Variants in GRM7 observed in about 807,000 individuals in gnomAD.
GRM7 encodes glutamate metabotropic receptor 7, also known as metabotropic glutamate receptor 7.
A neutral mutation model predicts 84.5 loss-of-function variants in GRM7; 35 were observed. The observed-to-expected ratio is 0.41, with a 90% confidence interval of 0.32 to 0.55. GRM7 has a LOEUF of 0.55. Among genes scored for constraint, GRM7 ranks in the 20% least tolerant of loss-of-function variants. GRM7 has a pLI of 0.19. For synonymous variants in GRM7, 487 were observed against 455.1 expected (o/e 1.07, Z -0.89); for missense variants, 1,003 against 1,194.6 (o/e 0.84, Z 2.36).
chr3:6,889,693 C>G (rs2124979893), intron 1 of GRM7, among the ~76,000 whole-genome samples: 1 of 152,110 alleles, frequency 6.6e-6, no homozygotes, highest in Admixed American at 6.5e-5. Context: ...CTAAAATTCT[C>G]TTTTTTGGTT....
intron 1 of GRM7, among the ~76,000 whole-genome samples, chr3:6,885,797 C>T (rs1695670591): frequency 6.6e-6 from 1 of 152,222 alleles, no homozygotes; most frequent in South Asian, 2.1e-4. Flanking sequence ...ATCTTACATC[C>T]TTGTCATTAC....
rs184459732 is a variant in GRM7 at position 7,022,143 on chromosome 3, A to G, written c.520-124309A>G. Among the ~76,000 whole-genome samples, 5 of 152,096 alleles carry G rather than the reference A, an allele frequency of 3.3e-5. No individual in the cohort carries two copies. The South Asian group carries it at 8.3e-4, about 25-fold the overall frequency. Reference sequence around the variant, plus strand: ...GGAGTTTGAGACCGGCCTGTACAACATGGTGATACCCAGTCTCTACAAAAA... The same window carrying G: ...GGAGTTTGAGACCGGCCTGTACAACGTGGTGATACCCAGTCTCTACAAAAA... On this transcript the variant is annotated intron_variant, in intron 1 of 9. Coordinates refer to ENST00000357716, the MANE Select transcript of GRM7 (RefSeq NM_000844.4).
At chr3:7,237,731 A>C (rs901677020) in intron 2 of GRM7, among the ~76,000 whole-genome samples, 4 of 152,304 alleles carry the variant, frequency 2.6e-5, no homozygotes, top group African/African-American at 9.6e-5. Context: ...ACAGCGTGGA[A>C]GTGGACCCGA....
chr3:7,472,265 A>T (rs1698731570), intron 7 of GRM7, among the ~76,000 whole-genome samples: 1 of 152,210 alleles, frequency 6.6e-6, no homozygotes, highest in African/African-American at 2.4e-5. Flanking sequence ...TTTATAAATT[A>T]CTCAGCCTCA....
chr3:7,453,366 G>T (rs1320954541), intron 6 of GRM7, among the ~76,000 whole-genome samples: 1 of 152,018 alleles, frequency 6.6e-6, no homozygotes, highest in African/African-American at 2.4e-5. Flanking sequence ...TCTTCCCCTT[G>T]CCACTTGCAA....
At chr3:7,429,072 C>A (rs975687354) in intron 5 of GRM7, among the ~76,000 whole-genome samples, 1 of 152,080 alleles carries the variant, frequency 6.6e-6, no homozygotes, top group African/African-American at 2.4e-5. Flanking sequence ...AACTAAGTTG[C>A]CTTAAATCAA....
intron 9 of GRM7, among the ~76,000 whole-genome samples, chr3:7,684,835 C>A (rs1700514522): frequency 6.6e-6 from 1 of 152,020 alleles, no homozygotes; most frequent in Non-Finnish European, 1.5e-5. Context: ...GCTCAGAGGG[C>A]ATAGGGCTGT....
chr3:7,479,247 T>C (rs562679049), intron 7 of GRM7, among the ~76,000 whole-genome samples: 1 of 152,128 alleles, frequency 6.6e-6, no homozygotes, highest in Non-Finnish European at 1.5e-5. Context: ...ATCTCACTGG[T>C]GACTCACAGG....
intron 2 of GRM7, among the ~76,000 whole-genome samples, chr3:7,150,081 G>A (rs985010762): frequency 1.3e-4 from 19 of 145,838 alleles, no homozygotes; most frequent in African/African-American, 4.4e-4. Context: ...GTGTGTGTGT[G>A]TGTGTGAGAG....
chr3:7,309,036 G>T (rs754115833), intron 4 of GRM7, among the ~76,000 whole-genome samples: 8 of 152,200 alleles, frequency 5.3e-5, no homozygotes, highest in Admixed American at 1.3e-4. Context: ...GTTAGAATGT[G>T]ATGGAATAGC....
At chr3:7,403,915 G>A (rs759916948) in intron 4 of GRM7, among the ~76,000 whole-genome samples, 3 of 151,704 alleles carry the variant, frequency 2.0e-5, no homozygotes, top group Admixed American at 6.6e-5. Context: ...TGGATAGCTC[G>A]TCCAGGGCTG....
intron 4 of GRM7, among the ~76,000 whole-genome samples, chr3:7,353,615 C>A (rs1693256753): frequency 6.6e-6 from 1 of 152,062 alleles, no homozygotes; most frequent in Non-Finnish European, 1.5e-5. Flanking sequence ...TACTAGGAGG[C>A]TCCAGAAAAC....
intron 2 of GRM7, among the ~76,000 whole-genome samples, chr3:7,254,791 C>A (rs1698135262): frequency 6.6e-6 from 1 of 152,168 alleles, no homozygotes; most frequent in Admixed American, 6.5e-5. Context: ...TTCTGGAAAA[C>A]TGGGATAATA....
intron 2 of GRM7, among the ~76,000 whole-genome samples, chr3:7,257,143 T>C (rs887253100): frequency 6.6e-6 from 1 of 152,132 alleles, no homozygotes; most frequent in African/African-American, 2.4e-5. Flanking sequence ...GGAGCACTAA[T>C]CCAAGGAGGC....
At chr3:7,415,705 AT>A (rs1696132218) in intron 5 of GRM7, among the ~76,000 whole-genome samples, 1 of 152,176 alleles carries the variant, frequency 6.6e-6, no homozygotes, top group African/African-American at 2.4e-5. Context: ...TCACACATTC[AT>A]TCATTTATTC....
At chr3:7,217,732 A>C (rs1398445075) in intron 2 of GRM7, among the ~76,000 whole-genome samples, 3 of 149,626 alleles carry the variant, frequency 2.0e-5, no homozygotes, top group Admixed American at 2.0e-4. Context: ...ATTATAATAT[A>C]AAATTATTTT....
intron 9 of GRM7, among the ~76,000 whole-genome samples, chr3:7,687,870 C>T (rs571301735): frequency 3.9e-5 from 6 of 152,196 alleles, no homozygotes; most frequent in East Asian, 1.9e-4. Context: ...GCCAGTAACT[C>T]GGTCTTTAAT....
intron 8 of GRM7, among the ~76,000 whole-genome samples, chr3:7,605,833 GA>G (rs552989087): frequency 1.1e-4 from 17 of 152,330 alleles, no homozygotes; most frequent in Non-Finnish European, 2.2e-4. Flanking sequence ...TTAGGCTTGT[GA>G]GGTATAACAT....
At chr3:7,516,063 A>T (rs1237061432) in intron 7 of GRM7, among the ~76,000 whole-genome samples, 2 of 147,268 alleles carry the variant, frequency 1.4e-5, no homozygotes, top group Non-Finnish European at 3.0e-5. Flanking sequence ...ACTACTTGGG[A>T]TGCTGAGGTG....
Sources: gnomAD v4.1 joint callset for allele counts (sites outside exome capture counted in the v4.1 genomes callset) on GRCh38, gnomAD v4.1.1 for gene constraint, MANE v1.5 for transcripts, NCBI Gene and HGNC (gene_info 2026-07-23, HGNC 2026-07-21) for gene names.